SEMA4A: variants seen among roughly 807,000 people sequenced by gnomAD.
The protein encoded by SEMA4A is semaphorin 4A, also known as semaphorin-4A.
SEMA4A carries 52 observed loss-of-function variants against 72.5 expected under a neutral mutation model. The ratio of observed to expected loss-of-function variants is 0.72; its 90% CI spans 0.57 to 0.90. The LOEUF (loss-of-function observed/expected upper bound fraction) is 0.90, where lower values mean the gene tolerates loss of function less well. Ranked by LOEUF, SEMA4A falls within the 40% of genes least tolerant of loss-of-function variation. The pLI is 0.00. For missense variants in SEMA4A, 926 were observed against 959.7 expected, an observed-to-expected ratio of 0.96 and a Z score of 0.46; for synonymous variants, 369 against 393.1, an observed-to-expected ratio of 0.94 and a Z score of 0.73.
At position 156,161,019 on chromosome 1, in the gene SEMA4A, G is replaced by C. The variant is rs770107172; in HGVS notation, c.800G>C (p.Arg267Thr). Reference sequence around the variant, plus strand: ...AGGCTCCACACATCGCGGGTGGCTAGAGTCTGCAAGGTCCGCGGCCTGGGC... The same window carrying C: ...AGGCTCCACACATCGCGGGTGGCTACAGTCTGCAAGGTCCGCGGCCTGGGC... ...FERLHTSRVARVCKNDVGGEK... is the reference protein window; with the variant it reads ...FERLHTSRVATVCKNDVGGEK... The change falls in exon 8 of 15, where the codon AGA becomes ACA. Residue 267 changes from arginine to threonine, a missense_variant. Coordinates refer to ENST00000368285, the MANE Select transcript of SEMA4A (RefSeq NM_022367.4). 15 of 1,604,836 alleles carry C rather than the reference G, an allele frequency of 9.3e-6. No homozygotes were observed. Among genetic ancestry groups the C allele is most frequent in the African/African-American group, 1.4e-5 (1 of 73,782 alleles).
At position 156,156,500 on chromosome 1, in the gene SEMA4A, C is replaced by T. The variant is rs1653044281; in HGVS notation, c.226C>T (p.Leu76Phe). Residue 76 changes from leucine (L) to phenylalanine (F), a missense_variant, in exon 3 of 15, where the codon CTC (leucine) becomes TTC (phenylalanine). Leu to Phe is a conservative substitution (Grantham distance 22). Coordinates refer to ENST00000368285, the MANE Select transcript of SEMA4A (RefSeq NM_022367.4). ...GCTCCTGAGTGGTGATGGAAATACT[C>T]TCTACGTGGGGGCTCGAGAAGCCAT... Reference protein sequence around the residue: ...TLLLSGDGNTLYVGAREAILA... With the variant: ...TLLLSGDGNTFYVGAREAILA... 6.2e-7 allele frequency: 1 copy of T among 1,614,032 alleles called. No homozygotes were observed. Among genetic ancestry groups the T allele is most frequent in the African/African-American group, 1.3e-5 (1 of 74,908 alleles).
intron 10 of SEMA4A, among the ~76,000 whole-genome samples, chr1:156,170,251 G>A (rs1654572690): frequency 1.3e-5 from 2 of 151,532 alleles, no homozygotes; most frequent in African/African-American, 4.9e-5. Flanking sequence ...ATCACTTGAG[G>A]TCAGGAGTTG....
At position 156,172,967 on chromosome 1, in the gene SEMA4A, C is replaced by G; in HGVS notation, c.1276C>G (p.Leu426Val). ...TRLAVETAQG[L>V]DGHSHLVMYL... is the part of the protein sequence containing the mutation. ...GCTTGCAGTGGAGACAGCCCAGGGC[C>G]TTGATGGGCACAGCCATCTTGTCAT... The change falls in exon 11 of 15, where the codon CTT (leucine) becomes GTT (valine). Residue 426 changes from leucine (L) to valine (V), a missense_variant. Coordinates refer to ENST00000368285, the MANE Select transcript of SEMA4A (RefSeq NM_022367.4). 2 of 1,614,094 alleles carry G rather than the reference C, an allele frequency of 1.2e-6. No individual in the cohort carries two copies. The highest frequency in any genetic ancestry group is 2.2e-5 in the South Asian group (2 of 91,078).
intron 6 of SEMA4A, among the ~76,000 whole-genome samples, chr1:156,159,266 G>A (rs1653354420): frequency 6.6e-6 from 1 of 152,088 alleles, no homozygotes; most frequent in Non-Finnish European, 1.5e-5. Flanking sequence ...CCCAGGAGGT[G>A]GAGGTTGCAG....
At chr1:156,174,796 C>A (rs371302316) in intron 11 of SEMA4A, 26 bp from the exon 12 acceptor site, 2 of 1,614,140 alleles carry the variant, frequency 1.2e-6, no homozygotes, top group Non-Finnish European at 1.7e-6. Context: ...GATGAGATGA[C>A]TTCCACTCTC....
At chr1:156,148,675 A>T (rs78715770), upstream of SEMA4A, among the ~76,000 whole-genome samples, 1,798 of 152,290 alleles carry the variant, frequency 0.012, 17 homozygotes, top group Non-Finnish European at 0.02. Context: ...TCTGCCCAGC[A>T]TCACACAGCA....
At chr1:156,154,526 G>A in intron 1 of SEMA4A, 24 bp from the exon 2 acceptor site, 3 of 1,583,208 alleles carry the variant, frequency 1.9e-6, no homozygotes, top group Non-Finnish European at 1.7e-6. Context: ...CACCCAGAAA[G>A]TGCCCGGGTG....
intron 8 of SEMA4A, 94 bp from the exon 9 acceptor site, chr1:156,161,252 G>C: frequency 4.5e-6 from 4 of 893,190 alleles, no homozygotes; most frequent in Non-Finnish European, 6.4e-6. Flanking sequence ...GCGGGGACTG[G>C]GGGGACACGC....
upstream of SEMA4A, chr1:156,153,357 G>GT (rs1289034410): frequency 6.6e-6 from 1 of 152,172 alleles, no homozygotes; most frequent in African/African-American, 2.4e-5. Context: ...TGCTAGGCTG[G>GT]TTATACTGGC....
rs757976634 is a variant in SEMA4A at position 156,163,104 on chromosome 1, AC to A, written c.1134+16del. On this transcript the variant is annotated intron_variant, in intron 10 of 14. Coordinates refer to ENST00000368285, the MANE Select transcript of SEMA4A (RefSeq NM_022367.4). Reference sequence around the variant, plus strand: ...CCCCCGGCCAGGCAGTGTGAGTACTACCCCCCACACTGAGCACAGTCTACAC... The same window carrying A: ...CCCCCGGCCAGGCAGTGTGAGTACTACCCCCACACTGAGCACAGTCTACAC... The A allele has an allele frequency of 3.1e-6, 5 of 1,608,230 alleles. No homozygotes were observed. The highest frequency in any genetic ancestry group is 2.7e-5 in the African/African-American group (2 of 74,010).
chr1:156,175,531 AT>A (rs1327472518), intron 13 of SEMA4A, 24 bp from the exon 14 acceptor site: 1 of 1,583,118 alleles, frequency 6.3e-7, no homozygotes, highest in Non-Finnish European at 8.7e-7. Flanking sequence ...TTGAAGGATA[AT>A]TTTTACTTTC....
At chr1:156,167,185 G>A (rs778715904) in intron 10 of SEMA4A, among the ~76,000 whole-genome samples, 2 of 151,680 alleles carry the variant, frequency 1.3e-5, no homozygotes, top group South Asian at 2.1e-4. Context: ...ACCTGGGATT[G>A]TATAGATTAA....
chr1:156,151,678 C>CA (rs1376147350), upstream of SEMA4A, among the ~76,000 whole-genome samples: 15 of 150,832 alleles, frequency 9.9e-5, no homozygotes, highest in African/African-American at 1.9e-4. Context: ...ACTAAAAATA[C>CA]AAAAAAAATT....
At chr1:156,173,923 A>G (rs900612716) in intron 11 of SEMA4A, among the ~76,000 whole-genome samples, 17 of 152,154 alleles carry the variant, frequency 1.1e-4, no homozygotes, top group African/African-American at 4.1e-4. Flanking sequence ...CAGCCTGGCC[A>G]ACATTGTGAA....
intron 10 of SEMA4A, among the ~76,000 whole-genome samples, chr1:156,170,460 C>CAAAAAAAAAAAAAAAAAAAAAAAAA: frequency 2.5e-5 from 1 of 40,302 alleles, no homozygotes; most frequent in Non-Finnish European, 4.4e-5. Context: ...GATACTGTCT[C>CAAAAAAAAAAAAAAAAAAAAAAAAA]AAAAAAAAAA....
chr1:156,152,901 G>C (rs1474096978), upstream of SEMA4A, among the ~76,000 whole-genome samples: 1 of 152,124 alleles, frequency 6.6e-6, no homozygotes, highest in Non-Finnish European at 1.5e-5. Context: ...CCACTTTGTA[G>C]GCCACAGAGT....
At chr1:156,160,298 C>A in intron 6 of SEMA4A, 145 bp from the exon 7 acceptor site, 1 of 712,258 alleles carries the variant, frequency 1.4e-6, no homozygotes, top group Non-Finnish European at 2.6e-6. Context: ...GGGGAGCTGG[C>A]CTTTGAGGCT....
At chr1:156,152,553 T>C (rs757737897), upstream of SEMA4A, among the ~76,000 whole-genome samples, 37 of 152,160 alleles carry the variant, frequency 2.4e-4, no homozygotes, top group Non-Finnish European at 4.1e-4. Context: ...GCAACCAGCC[T>C]CTGGGAGAGT....
chr1:156,149,001 C>G (rs1398853600), upstream of SEMA4A, among the ~76,000 whole-genome samples: 1 of 152,004 alleles, frequency 6.6e-6, no homozygotes, highest in African/African-American at 2.4e-5. Flanking sequence ...GGGGTTTCTC[C>G]AGGTTGGCCA....
Sources: gnomAD v4.1 joint callset for allele counts (sites outside exome capture counted in the v4.1 genomes callset) on GRCh38, gnomAD v4.1.1 for gene constraint, MANE v1.5 for transcripts, NCBI Gene and HGNC (gene_info 2026-07-23, HGNC 2026-07-21) for gene names.